TNFAIP2: variants seen among roughly 807,000 people sequenced by gnomAD.
TNFAIP2 encodes TNF alpha induced protein 2, also known as tumor necrosis factor alpha-induced protein 2.
Under a neutral mutation model 63.5 loss-of-function variants are expected in TNFAIP2, and 47 were observed. That is an observed-to-expected ratio of 0.74 (90% CI 0.59 to 0.94). TNFAIP2 has a LOEUF of 0.94. TNFAIP2 is among the 40% of genes least tolerant of loss of function. The probability of loss-of-function intolerance (pLI) is 0.00; values close to 1 mark genes in which losing one functional copy is unlikely to be tolerated. For synonymous variants in TNFAIP2, 405 were observed against 390.2 expected (o/e 1.04, Z -0.45); for missense variants, 787 against 850.2 (o/e 0.93, Z 0.92).
chr14:103,127,274 G>A lies in TNFAIP2; in HGVS notation c.505G>A (p.Ala169Thr). The A allele has an allele frequency of 3.0e-6, 3 of 995,068 alleles. No individual in the cohort carries two copies. Among genetic ancestry groups the A allele is most frequent in the Non-Finnish European group, 2.4e-6 (2 of 837,916 alleles). The allele number at this position is 995,068 out of a possible 1,614,324, so 61.6% of individuals were successfully genotyped here. A position where few individuals can be genotyped will look rare whatever the true frequency, so the allele number is the denominator to read the frequency against. The change falls in exon 3 of 12, where the codon GCG becomes ACG. Residue 169 changes from alanine to threonine, a missense_variant. By Grantham distance (58) the Ala-to-Thr change is moderately conservative. Around this residue, in one of 3 missense-constraint regions of TNFAIP2, gnomAD observed 258 missense variants for 228.9 expected, o/e 1.13. Transcript: ENST00000560869. The surrounding 1 kb of genome is among the most constrained non-coding windows in gnomAD (Gnocchi z 5.1). Reference protein sequence around the residue: ...AEQEREDRQAAAAGPGTSGLA... With the variant: ...AEQEREDRQATAAGPGTSGLA... ...GCAGGAGCGCGAGGACCGCCAGGCG[G>A]CGGCGGCGGGGCCGGGGACCTCGGG...
Position 103,126,664 on chromosome 14 carries a change from G to T in TNFAIP2, c.207G>T (p.Arg69Ser), listed in dbSNP as rs1203097326. 2 of 1,556,966 alleles carry T rather than the reference G, an allele frequency of 1.3e-6. No homozygotes were observed. The highest frequency in any genetic ancestry group is 2.4e-5 in the East Asian group (1 of 42,232). The change falls in exon 2 of 12, where the codon AGG becomes AGT. Residue 69 changes from arginine (R) to serine (S), a missense_variant. Arg to Ser is a moderately radical substitution (Grantham distance 110, BLOSUM62 -1). Transcript: ENST00000560869. ...AGCCCGAGGACGCAGCCGGGTCCAGGCAGGGGCTGGATGGCCCGCCCCCCA... is the reference window on the plus strand; with the variant it reads ...AGCCCGAGGACGCAGCCGGGTCCAGTCAGGGGCTGGATGGCCCGCCCCCCA... ...SAEPEDAAGS[R>S]QGLDGPPPTV... is the part of the protein sequence containing the mutation.
Position 103,131,716 on chromosome 14 carries a change from G to C in TNFAIP2, c.1376G>C (p.Ser459Thr), listed in dbSNP as rs2087979808. ...CTGGGCCCCCTGGGTGAGCTCAAGA[G>C]CCACGGCTTTGACACCCTGCTCCAG... ...LLLGPLGELKSHGFDTLLQNL... is the reference protein window; with the variant it reads ...LLLGPLGELKTHGFDTLLQNL... The change falls in exon 8 of 12, where the codon AGC (serine) becomes ACC (threonine). Residue 459 changes from serine (S) to threonine (T), a missense_variant. Ser to Thr is a moderately conservative substitution (Grantham distance 58). Coordinates refer to ENST00000560869, the MANE Select transcript of TNFAIP2 (RefSeq NM_006291.4). The surrounding 1 kb of genome is among the most constrained non-coding windows in gnomAD (Gnocchi z 4.0). 6.2e-7 allele frequency: 1 copy of C among 1,611,664 alleles called. No individual in the cohort carries two copies. Among genetic ancestry groups the C allele is most frequent in the Admixed American group, 1.7e-5 (1 of 59,994 alleles).
chr14:103,132,628 C>T, intron 8 of TNFAIP2, 122 bp from the exon 9 acceptor site: 2 of 1,436,282 alleles, frequency 1.4e-6, no homozygotes, highest in Non-Finnish European at 1.9e-6. Flanking sequence ...TCCTTGAGTG[C>T]CCCCCGCCCC....
Position 103,127,583 on chromosome 14 carries a change from C to T in TNFAIP2, c.814C>T (p.Arg272Cys). 1 of 1,558,884 alleles carries T rather than the reference C, an allele frequency of 6.4e-7. No individual in the cohort carries two copies. The highest frequency in any genetic ancestry group is 2.3e-5 in the East Asian group (1 of 43,246). ...AAVAQFELCE[R>C]DTYMLLLWVQ... ...CGTGGCGCAGTTCGAGCTGTGCGAG[C>T]GCGACACCTACATGCTGCTGCTCTG... Residue 272 changes from arginine (R) to cysteine (C), a missense_variant, in exon 3 of 12, where the codon CGC becomes TGC. Arg to Cys is a radical substitution (Grantham distance 180). Transcript: ENST00000560869. The surrounding 1 kb of genome is among the most constrained non-coding windows in gnomAD (Gnocchi z 5.1).
Position 103,127,037 on chromosome 14 carries a change from C to T in TNFAIP2, c.268C>T (p.Gln90Ter). Residue 90 changes from glutamine (Q) to a stop codon, truncating the protein, a stop_gained, in exon 3 of 12, where the codon CAG (glutamine) becomes TAG (stop). Coordinates refer to ENST00000560869, the MANE Select transcript of TNFAIP2 (RefSeq NM_006291.4). LOFTEE classifies it high-confidence loss of function. The surrounding 1 kb of genome is among the most constrained non-coding windows in gnomAD (Gnocchi z 5.1). ...GCTGAAGGCGGCGCTGGAGCGCGGG[C>T]AGCTGGAGGCGGCGCGGCCGCTGCT... is the stretch of plus-strand genomic sequence containing the variant. ...EELKAALERG[Q>*]LEAARPLLAL... 8.6e-7 allele frequency: 1 copy of T among 1,163,098 alleles called. No individual in the cohort carries two copies. The highest frequency in any genetic ancestry group is 1.1e-6 in the Non-Finnish European group (1 of 942,596). 72.0% of individuals were successfully genotyped at this position (1,163,098 alleles called of 1,614,324 possible). A position where few individuals can be genotyped will look rare whatever the true frequency, so the allele number is the denominator to read the frequency against.
chr14:103,133,190 G>T (rs113974528), intron 9 of TNFAIP2, among the ~76,000 whole-genome samples, 172 bp from the exon 10 acceptor site: 1 of 151,348 alleles, frequency 6.6e-6, no homozygotes, highest in Non-Finnish European at 1.5e-5. Flanking sequence ...GAACACACAC[G>T]CATGTGAACG....
rs761400536 is a variant in TNFAIP2, at chr14:103,127,425, A to C, written c.656A>C (p.His219Pro). ...GAEVPESVFLHLGRTMKEDLE... is the reference protein window; with the variant it reads ...GAEVPESVFLPLGRTMKEDLE... ...GAGGTCCCCGAGAGCGTCTTTCTGC[A>C]CTTGGGCCGCACCATGAAGGAGGAC... The change falls in exon 3 of 12, where the codon CAC (histidine) becomes CCC (proline). Residue 219 changes from histidine to proline, a missense_variant. His to Pro is a moderately conservative substitution (Grantham distance 77). This residue lies in a region of TNFAIP2 where 523 missense variants were observed against 604.1 expected (regional missense o/e 0.87). Transcript: ENST00000560869. This position sits in a 1 kb window ranked among gnomAD's most constrained non-coding sequence, Gnocchi z 5.1. The C allele has an allele frequency of 3.2e-6, 5 of 1,581,062 alleles. No individual in the cohort carries two copies. The highest frequency in any genetic ancestry group is 8.5e-7 in the Non-Finnish European group (1 of 1,172,022).
chr14:103,127,510 G>T lies in TNFAIP2; in HGVS notation c.741G>T (p.Ala247=). ...PLFPAEFGVV[A]AYAESYHQHF... is the part of the protein sequence containing the mutation. Reference sequence around the variant, plus strand: ...TCCCCGCCGAGTTCGGCGTCGTGGCGGCCTACGCCGAGAGCTACCACCAGC... The same window carrying T: ...TCCCCGCCGAGTTCGGCGTCGTGGCTGCCTACGCCGAGAGCTACCACCAGC... The change falls in exon 3 of 12, where the codon GCG becomes GCT. Residue 247 remains alanine, a synonymous_variant. Transcript: ENST00000560869. This position sits in a 1 kb window ranked among gnomAD's most constrained non-coding sequence, Gnocchi z 5.1. 6.3e-7 allele frequency: 1 copy of T among 1,589,730 alleles called. No homozygotes were observed. The highest frequency in any genetic ancestry group is 1.3e-5 in the African/African-American group (1 of 74,936).
Position 103,131,158 on chromosome 14 carries a change from T to G in TNFAIP2, c.1298+8T>G. On this transcript the variant is annotated splice_region_variant and intron_variant, in intron 7 of 11. Transcript: ENST00000560869. The surrounding 1 kb of genome is among the most constrained non-coding windows in gnomAD (Gnocchi z 4.0). ...CAACTGCCTGTCCTTCCGGTGAGAG[T>G]GTTGGGAGGGGCTTGCGGGAGTGGG... 6.2e-7 allele frequency: 1 copy of G among 1,612,710 alleles called. No individual in the cohort carries two copies. Among genetic ancestry groups the G allele is most frequent in the Non-Finnish European group, 8.5e-7 (1 of 1,179,572 alleles).
rs112634101 is a variant in TNFAIP2 at position 103,133,229 on chromosome 14, C to T, written c.1546-133C>T. 575 of 1,147,382 alleles carry T rather than the reference C, an allele frequency of 5.0e-4. 1 individual carries two copies. In the East Asian group the frequency reaches 8.8e-3, roughly 18 times the overall value. The allele number at this position is 1,147,382 out of a possible 1,614,324, so 71.1% of individuals were successfully genotyped here. ...GAGCATGTGAACGCACACATGTGGACGCACGAGCACGTGTGCAGTCTTTTG... is the reference window on the plus strand; with the variant it reads ...GAGCATGTGAACGCACACATGTGGATGCACGAGCACGTGTGCAGTCTTTTG... On this transcript the variant is annotated intron_variant, in intron 9 of 11. Transcript: ENST00000560869.
rs771245667 is a variant in TNFAIP2, at chr14:103,132,770, G to C, written c.1443G>C (p.Thr481=). 6 of 1,613,454 alleles carry C rather than the reference G, an allele frequency of 3.7e-6. No individual in the cohort carries two copies. The South Asian group carries it at 6.6e-5, about 18-fold the overall frequency. Residue 481 remains threonine, a synonymous_variant, in exon 9 of 12, where the codon ACG becomes ACC. Transcript: ENST00000560869. The stretch of plus-strand genomic sequence containing the variant: ...CTCAGCCACTGTTCAAGAGGTTCAC[G>C]CACACCCGCTGGGCGGCCCCTGTGG... ...EDLKPLFKRF[T]HTRWAAPVET...
intron 2 of TNFAIP2, 58 bp downstream of exon 2, chr14:103,126,750 C>A: frequency 6.7e-7 from 1 of 1,497,822 alleles, no homozygotes; most frequent in African/African-American, 1.4e-5. Flanking sequence ...TGGCGCTCAT[C>A]CGCGTGAGTG....
In TNFAIP2 at chr14:103,127,579, C is replaced by G. The variant is rs754149178; in HGVS notation, c.810C>G (p.Cys270Trp). The G allele has an allele frequency of 1.9e-6, 3 of 1,560,848 alleles. No individual in the cohort carries two copies. The highest frequency in any genetic ancestry group is 2.3e-5 in the East Asian group (1 of 43,294). The change falls in exon 3 of 12, where the codon TGC (cysteine) becomes TGG (tryptophan). Residue 270 changes from cysteine to tryptophan, a missense_variant. By Grantham distance (215) the Cys-to-Trp change is radical (BLOSUM62 -2). This residue lies in a region of TNFAIP2 where 523 missense variants were observed against 604.1 expected (regional missense o/e 0.87). Transcript: ENST00000560869. The surrounding 1 kb of genome is among the most constrained non-coding windows in gnomAD (Gnocchi z 5.1). The stretch of plus-strand genomic sequence containing the variant: ...CCGCCGTGGCGCAGTTCGAGCTGTG[C>G]GAGCGCGACACCTACATGCTGCTGC... ...HLAAVAQFEL[C>W]ERDTYMLLLW...
In TNFAIP2 at chr14:103,133,404, A is replaced by G. The variant is rs1444801153; in HGVS notation, c.1588A>G (p.Ile530Val). Reference protein sequence around the residue: ...ALHLHLVKEYIIQLSKGRLVL... With the variant: ...ALHLHLVKEYVIQLSKGRLVL... Reference sequence around the variant, plus strand: ...GCACCTGCACCTGGTGAAGGAGTACATCATCCAACTCAGCAAGGGGCGCCT... The same window carrying G: ...GCACCTGCACCTGGTGAAGGAGTACGTCATCCAACTCAGCAAGGGGCGCCT... Residue 530 changes from isoleucine (I) to valine (V), a missense_variant, in exon 10 of 12, where the codon ATC (isoleucine) becomes GTC (valine). Physicochemically the swap from Ile to Val is conservative, Grantham distance 29. Coordinates refer to ENST00000560869, the MANE Select transcript of TNFAIP2 (RefSeq NM_006291.4). The G allele has an allele frequency of 1.9e-6, 3 of 1,613,790 alleles. No individual in the cohort carries two copies. Among genetic ancestry groups the G allele is most frequent in the Non-Finnish European group, 8.5e-7 (1 of 1,180,022 alleles).
chr14:103,131,663 G>C lies in TNFAIP2; in HGVS notation c.1323G>C (p.Gln441His). ...SFRMSMEQNW[Q>H]VPQDTLSLLL... is the part of the protein sequence containing the mutation. ...GGATGTCCATGGAGCAGAATTGGCA[G>C]GTACCCCAGGACACCCTGAGCCTCC... Residue 441 changes from glutamine (Q) to histidine (H), a missense_variant, in exon 8 of 12, where the codon CAG (glutamine) becomes CAC (histidine). By Grantham distance (24) the Gln-to-His change is conservative. Coordinates refer to ENST00000560869, the MANE Select transcript of TNFAIP2 (RefSeq NM_006291.4). The surrounding 1 kb of genome is among the most constrained non-coding windows in gnomAD (Gnocchi z 4.0). 2 of 1,601,102 alleles carry C rather than the reference G, an allele frequency of 1.2e-6. No homozygotes were observed. The highest frequency in any genetic ancestry group is 1.1e-5 in the South Asian group (1 of 90,340).
At chr14:103,132,899 G>C in intron 9 of TNFAIP2, 27 bp downstream of exon 9, 1 of 1,612,426 alleles carries the variant, frequency 6.2e-7, no homozygotes, top group Non-Finnish European at 8.5e-7. Context: ...CTGGTGGCTG[G>C]GTCTTGGGGA....
chr14:103,132,096 G>A (rs1176523033), intron 8 of TNFAIP2, among the ~76,000 whole-genome samples: 2 of 132,730 alleles, frequency 1.5e-5, no homozygotes, highest in South Asian at 2.4e-4. Context: ...GCCCCTCCCC[G>A]ATTCAGACAC....
Position 103,130,522 on chromosome 14 carries a change from C to G in TNFAIP2, c.1199+107C>G, listed in dbSNP as rs1208447926. On this transcript the variant is annotated intron_variant, in intron 6 of 11. Coordinates refer to ENST00000560869, the MANE Select transcript of TNFAIP2 (RefSeq NM_006291.4). ...TGAGCTGGATCCCCGCCCTCTACCC[C>G]TGTCCCTGTCATTCTGAGCCAGGAG... 1.2e-5 allele frequency: 12 copies of G among 1,039,322 alleles called. 1 individual carries two copies. Among genetic ancestry groups the G allele is most frequent in the South Asian group, 3.0e-5 (2 of 67,740 alleles). 64.4% of individuals were successfully genotyped at this position (1,039,322 alleles called of 1,614,324 possible). A position where few individuals can be genotyped will look rare whatever the true frequency, so the allele number is the denominator to read the frequency against.
chr14:103,124,166 C>T (rs1022803836), intron 1 of TNFAIP2, among the ~76,000 whole-genome samples: 1 of 152,216 alleles, frequency 6.6e-6, no homozygotes, highest in Non-Finnish European at 1.5e-5. Context: ...ACACAGGAGA[C>T]TCACCCCCAC....
Sources: gnomAD v4.1 joint callset for allele counts (sites outside exome capture counted in the v4.1 genomes callset) on GRCh38, gnomAD v4.1.1 for gene constraint, gnomAD v4.1.1 regional missense constraint, Gnocchi (gnomAD v3.1) non-coding constraint, MANE v1.5 for transcripts, NCBI Gene and HGNC (gene_info 2026-07-23, HGNC 2026-07-21) for gene names.